The following WASL variants were observed in gnomAD, a reference collection of about 807,000 sequenced individuals.
WASL encodes actin nucleation-promoting factor WASL.
Under a neutral mutation model 55.5 loss-of-function variants are expected in WASL, and 20 were observed. The observed-to-expected ratio is 0.36, with a 90% CI of 0.25 to 0.52. The LOEUF is 0.52. WASL is among the 20% of genes least tolerant of loss of function. WASL has a pLI of 0.92. For synonymous variants in WASL, 249 were observed against 217.6 expected (o/e 1.14, Z -1.27); for missense variants, 504 against 622.5 (o/e 0.81, Z 2.03).
chr7:123,743,650 C>A (rs1026516146), intron 1 of WASL, among the ~76,000 whole-genome samples: 1 of 152,208 alleles, frequency 6.6e-6, no homozygotes, highest in Non-Finnish European at 1.5e-5. Context: ...AAACTGAGCA[C>A]TGAATAGTAT....
intron 1 of WASL, among the ~76,000 whole-genome samples, chr7:123,740,526 TAATACAGCAGGTCCTCA>T (rs1350011432): frequency 6.6e-6 from 1 of 152,184 alleles, no homozygotes; most frequent in Non-Finnish European, 1.5e-5. Flanking sequence ...ACTAAATACT[TAATACAGCAGGTCCTCA>T]AATAACATCC....
At chr7:123,729,608 TACA>T (rs1276452189) in intron 1 of WASL, among the ~76,000 whole-genome samples, 1 of 152,210 alleles carries the variant, frequency 6.6e-6, no homozygotes, top group African/African-American at 2.4e-5. Flanking sequence ...AATAAAGAGA[TACA>T]ACAACATAAA....
intron 5 of WASL, among the ~76,000 whole-genome samples, chr7:123,701,563 A>G (rs997442465): frequency 6.6e-6 from 1 of 152,236 alleles, no homozygotes; most frequent in Non-Finnish European, 1.5e-5. Flanking sequence ...GCATTTTAGG[A>G]ATGTATGTAA....
At chr7:123,737,596 CAA>C (rs34669724) in intron 1 of WASL, among the ~76,000 whole-genome samples, 18 of 72,788 alleles carry the variant, frequency 2.5e-4, no homozygotes, top group South Asian at 6.3e-4. Context: ...CTCCGTCTCC[CAA>C]AAAAAAAAAA....
intron 1 of WASL, among the ~76,000 whole-genome samples, chr7:123,720,149 T>C: frequency 6.6e-6 from 1 of 152,232 alleles, no homozygotes; most frequent in East Asian, 1.9e-4. Context: ...GTGTTTGATC[T>C]ATTTAACTAA....
chr7:123,722,321 G>A (rs1803962431), intron 1 of WASL, among the ~76,000 whole-genome samples: 3 of 152,110 alleles, frequency 2.0e-5, no homozygotes, highest in Admixed American at 2.0e-4. Flanking sequence ...TCAAAGTTGG[G>A]ATAACTACAC....
At chr7:123,727,922 G>C (rs1427085633) in intron 1 of WASL, among the ~76,000 whole-genome samples, 3 of 152,072 alleles carry the variant, frequency 2.0e-5, no homozygotes, top group Admixed American at 2.0e-4. Context: ...TTCATTTCAT[G>C]GTAGCTAGAT....
At chr7:123,748,249 C>T (rs1804473125) in intron 1 of WASL, among the ~76,000 whole-genome samples, 1 of 152,028 alleles carries the variant, frequency 6.6e-6, no homozygotes, top group African/African-American at 2.4e-5. Flanking sequence ...AGAGGTGAAG[C>T]GAGAGCTAGA....
At chr7:123,712,527 GA>G (rs1457641653) in intron 1 of WASL, among the ~76,000 whole-genome samples, 1 of 151,988 alleles carries the variant, frequency 6.6e-6, no homozygotes, top group African/African-American at 2.4e-5. Context: ...TATATATAGA[GA>G]AAAAAACATG....
chr7:123,715,462 G>A (rs1803825987), intron 1 of WASL, among the ~76,000 whole-genome samples: 1 of 152,276 alleles, frequency 6.6e-6, no homozygotes. Context: ...AAAGTCATTA[G>A]GTGGTTTGTT....
intron 1 of WASL, among the ~76,000 whole-genome samples, chr7:123,725,016 T>C (rs73224186): frequency 0.038 from 5,730 of 152,174 alleles, 150 homozygotes; most frequent in Middle Eastern, 0.1. Flanking sequence ...GCTTCCCCAA[T>C]AGAAGGAAGT....
At position 123,696,259 on chromosome 7, in the gene WASL, C is replaced by T. The variant is rs530907321; in HGVS notation, c.629+320G>A. Among the ~76,000 whole-genome samples, 132 of 151,936 alleles carry T rather than the reference C, an allele frequency of 8.7e-4. 1 individual carries two copies. The highest frequency in any genetic ancestry group is 3.1e-3 in the African/African-American group (127 of 41,482). The stretch of plus-strand genomic sequence containing the variant: ...ACTGCCCCTAGGCAGTATCTGTAAA[C>T]AATTTCTAAATGCTATTTTTAGAGC... On this transcript the variant is annotated intron_variant, in intron 6 of 10. Coordinates refer to ENST00000223023, the MANE Select transcript of WASL (RefSeq NM_003941.4).
rs1404304732 is a variant in WASL, at chr7:123,681,987, G to C, written c.*2532C>G. 6.6e-6 allele frequency: 1 copy of C among 152,034 alleles called. No homozygotes were observed. Among genetic ancestry groups the C allele is most frequent in the East Asian group, 1.9e-4 (1 of 5,188 alleles). 9.4% of individuals were successfully genotyped at this position (152,034 alleles called of 1,614,324 possible). On this transcript the variant is annotated 3_prime_UTR_variant, in exon 11 of 11. Transcript: ENST00000223023. ...ATTTTATTATGCTCCATGATGAATT[G>C]CCACCAGTGCAACATCCTATTCACT... is the stretch of plus-strand genomic sequence containing the variant.
chr7:123,682,028 A>G lies in WASL; in HGVS notation c.*2491T>C, dbSNP rs1295921493. On this transcript the variant is annotated 3_prime_UTR_variant, in exon 11 of 11. Transcript: ENST00000223023. ...CCTATTCACTATACATTTCAAAAAA[A>G]GAATTCACATACTAAACAAAATTTC... 6.6e-6 allele frequency: 1 copy of G among 152,170 alleles called. No individual in the cohort carries two copies. Among genetic ancestry groups the G allele is most frequent in the Non-Finnish European group, 1.5e-5 (1 of 68,022 alleles). The allele number at this position is 152,170 out of a possible 1,614,324, so 9.4% of individuals were successfully genotyped here.
At chr7:123,696,942 G>A (rs775211254) in intron 5 of WASL, among the ~76,000 whole-genome samples, 195 bp from the exon 6 acceptor site, 2 of 151,546 alleles carry the variant, frequency 1.3e-5, no homozygotes, top group East Asian at 3.9e-4. Flanking sequence ...AATGAGTGTA[G>A]ATGCACTATT....
chr7:123,721,039 C>A (rs1198700997), intron 1 of WASL, among the ~76,000 whole-genome samples: 2 of 152,324 alleles, frequency 1.3e-5, no homozygotes, highest in East Asian at 3.9e-4. Flanking sequence ...TAACATACTA[C>A]AGTGCCTAGG....
chr7:123,715,955 G>A (rs1562962015), intron 1 of WASL, among the ~76,000 whole-genome samples: 1 of 152,264 alleles, frequency 6.6e-6, no homozygotes, highest in East Asian at 1.9e-4. Flanking sequence ...TATAGACTGG[G>A]TTATATTTGC....
Position 123,689,138 on chromosome 7 carries a change from G to A in WASL, c.1360C>T (p.Gln454Ter). ...GCAGGTGTTGGTGGTGTAGACTCTT[G>A]GCCATCAGCCACCTTGGAAAAGAAA... Reference protein sequence around the residue: ...GIQLKSVADGQESTPPTPAPT... With the variant: ...GIQLKSVADG Residue 454 changes from glutamine (Q) to a stop codon, truncating the protein, a stop_gained, in exon 10 of 11, where the codon CAA (glutamine) becomes TAA (stop). Coordinates refer to ENST00000223023, the MANE Select transcript of WASL (RefSeq NM_003941.4). LOFTEE classifies it high-confidence loss of function. 6.2e-7 allele frequency: 1 copy of A among 1,612,310 alleles called. No individual in the cohort carries two copies. The highest frequency in any genetic ancestry group is 8.5e-7 in the Non-Finnish European group (1 of 1,178,972).
chr7:123,709,839 A>T (rs551480219), intron 1 of WASL, among the ~76,000 whole-genome samples: 161 of 152,316 alleles, frequency 1.1e-3, no homozygotes, highest in African/African-American at 3.7e-3. Context: ...AAGTGAGTTT[A>T]AGATTGTAAG....
Sources: allele counts gnomAD v4.1 joint callset (sites outside exome capture counted in the v4.1 genomes callset), GRCh38; gene constraint gnomAD v4.1.1; transcripts MANE v1.5; gene names NCBI Gene and HGNC (gene_info 2026-07-23, HGNC 2026-07-21).